Variants in MBD5 observed in about 807,000 individuals in gnomAD.
MBD5 encodes the protein methyl-CpG binding domain protein 5, also known as methyl-CpG-binding domain protein 5.
In MBD5, 13 loss-of-function variants were observed where a neutral mutation model predicts 117.3. The ratio of observed to expected loss-of-function variants is 0.11; its 90% CI spans 0.07 to 0.18. MBD5 has a LOEUF of 0.18. Among genes scored for constraint, MBD5 ranks in the 10% least tolerant of loss-of-function variants. The probability of loss-of-function intolerance (pLI) is 1.00; values close to 1 mark genes in which losing one functional copy is unlikely to be tolerated. For synonymous variants in MBD5, 727 were observed against 766.4 expected, an observed-to-expected ratio of 0.95 and a Z score of 0.85; for missense variants, 1,879 against 2,093.8, an observed-to-expected ratio of 0.90 and a Z score of 2.00.
intron 1 of MBD5, among the ~76,000 whole-genome samples, chr2:148,099,928 A>G (rs1313023213): frequency 6.6e-6 from 1 of 152,204 alleles, no homozygotes; most frequent in African/African-American, 2.4e-5. Context: ...ATCTAGCATT[A>G]TTTGATGCTA....
At position 148,447,167 on chromosome 2, in the gene MBD5, GA is replaced by G. The variant is rs938022464; in HGVS notation, c.-556-11033del. Among the ~76,000 whole-genome samples, 12 of 128,766 alleles carry G rather than the reference GA, an allele frequency of 9.3e-5. No homozygotes were observed. In the East Asian group the frequency reaches 1.5e-3, roughly 17 times the overall value. 84.5% of individuals were successfully genotyped at this position (128,766 alleles called of 152,430 possible). ...AGAAAGAAAGAAGGAAAGAAAGGAA[GA>G]AAGGAAGAAGGAAAGAAAGAAAGAA... On this transcript the variant is annotated intron_variant, in intron 4 of 13. Coordinates refer to ENST00000642680, the MANE Select transcript of MBD5 (RefSeq NM_001378120.1).
chr2:148,478,021 T>C (rs1681027088), intron 8 of MBD5, among the ~76,000 whole-genome samples: 2 of 152,156 alleles, frequency 1.3e-5, no homozygotes, highest in South Asian at 4.1e-4. Context: ...CAAAGACGTG[T>C]ATAACAATAT....
At chr2:148,495,863 G>T (rs755392848) in intron 11 of MBD5, among the ~76,000 whole-genome samples, 10 of 152,172 alleles carry the variant, frequency 6.6e-5, no homozygotes, top group Non-Finnish European at 1.3e-4. Flanking sequence ...TGTCAGTTCA[G>T]CATCACACAC....
rs1682293433 is a variant in MBD5 at position 148,514,181 on chromosome 2, G to T, written c.*1240G>T. 1.3e-5 allele frequency: 2 copies of T among 151,854 alleles called. No individual in the cohort carries two copies. Among genetic ancestry groups the T allele is most frequent in the African/African-American group, 4.8e-5 (2 of 41,336 alleles). 9.4% of individuals were successfully genotyped at this position (151,854 alleles called of 1,614,324 possible). A position where few individuals can be genotyped will look rare whatever the true frequency, so the allele number is the denominator to read the frequency against. On this transcript the variant is annotated 3_prime_UTR_variant, in exon 14 of 14. Transcript: ENST00000642680. Reference sequence around the variant, plus strand: ...AACAGATTCTTATATATATTAATGTGGCAAAAATGTGCAGGTTAAATCTAT... The same window carrying T: ...AACAGATTCTTATATATATTAATGTTGCAAAAATGTGCAGGTTAAATCTAT...
rs575724480 is a variant in MBD5 at position 148,170,876 on chromosome 2, A to G, written c.-924-7824A>G. The stretch of plus-strand genomic sequence containing the variant: ...ACTATGAACAATTCTACACCAACCA[A>G]TTAGATTACCTAGAAGTGGATAAAT... On this transcript the variant is annotated intron_variant, in intron 1 of 13. Transcript: ENST00000642680. 5.9e-5 allele frequency among the ~76,000 whole-genome samples: 9 copies of G among 152,340 alleles called. No individual in the cohort carries two copies. The South Asian group carries it at 1.7e-3, about 28-fold the overall frequency.
chr2:148,158,938 G>A (rs1558952239), intron 1 of MBD5, among the ~76,000 whole-genome samples: 1 of 152,204 alleles, frequency 6.6e-6, no homozygotes. Flanking sequence ...TAGCCAGGAT[G>A]GTCTCGATCT....
intron 4 of MBD5, among the ~76,000 whole-genome samples, chr2:148,360,891 C>G (rs897895831): frequency 1.3e-5 from 2 of 152,052 alleles, no homozygotes; most frequent in African/African-American, 4.8e-5. Context: ...AATCAATGTT[C>G]ATTTTAAAAT....
intron 3 of MBD5, among the ~76,000 whole-genome samples, chr2:148,278,707 A>G (rs1701171320): frequency 1.3e-5 from 2 of 152,150 alleles, no homozygotes; most frequent in Admixed American, 6.5e-5. Context: ...TTATTAGGGG[A>G]ATTGGCTCAC....
At chr2:148,112,515 T>C (rs1472580585) in intron 1 of MBD5, among the ~76,000 whole-genome samples, 1 of 152,154 alleles carries the variant, frequency 6.6e-6, no homozygotes, top group African/African-American at 2.4e-5. Context: ...TTTTAACACT[T>C]TGCAAAGTAA....
intron 2 of MBD5, among the ~76,000 whole-genome samples, chr2:148,212,949 T>C (rs1699462214): frequency 1.3e-5 from 2 of 152,194 alleles, no homozygotes; most frequent in Admixed American, 1.3e-4. Context: ...TGTTCGTTCT[T>C]TTCTGTTCTC....
chr2:148,078,615 A>G (rs781773828), intron 1 of MBD5, among the ~76,000 whole-genome samples: 70 of 152,226 alleles, frequency 4.6e-4, no homozygotes, highest in Non-Finnish European at 1.5e-4. Flanking sequence ...CAAATGTACC[A>G]TTATATAACA....
At chr2:148,433,853 G>A (rs1330534215) in intron 4 of MBD5, among the ~76,000 whole-genome samples, 2 of 151,940 alleles carry the variant, frequency 1.3e-5, no homozygotes, top group Non-Finnish European at 2.9e-5. Context: ...GTCAGGGGAT[G>A]CTGGCTTCAT....
intron 4 of MBD5, among the ~76,000 whole-genome samples, chr2:148,360,107 G>A (rs1703490248): frequency 6.6e-6 from 1 of 151,900 alleles, no homozygotes; most frequent in Non-Finnish European, 1.5e-5. Context: ...ATATTATTAT[G>A]GCTGAAAGAA....
chr2:148,109,251 C>A (rs538571064), intron 1 of MBD5, among the ~76,000 whole-genome samples: 2 of 152,062 alleles, frequency 1.3e-5, no homozygotes, highest in South Asian at 4.2e-4. Flanking sequence ...CACCGCTGTA[C>A]CCTAGCCTGG....
At chr2:148,443,372 A>T (rs1398403932) in intron 4 of MBD5, among the ~76,000 whole-genome samples, 1 of 151,344 alleles carries the variant, frequency 6.6e-6, no homozygotes, top group Non-Finnish European at 1.5e-5. Context: ...CTACCATATG[A>T]TCCAGCAATC....
At chr2:148,231,122 G>A (rs1206910153) in intron 2 of MBD5, among the ~76,000 whole-genome samples, 1 of 152,110 alleles carries the variant, frequency 6.6e-6, no homozygotes, top group Non-Finnish European at 1.5e-5. Context: ...ACTAGGACTT[G>A]CCTTGGAGTT....
intron 3 of MBD5, among the ~76,000 whole-genome samples, chr2:148,340,914 G>T (rs573788667): frequency 7.4e-4 from 112 of 151,606 alleles, no homozygotes; most frequent in African/African-American, 2.6e-3. Context: ...TAAGTGCTTT[G>T]TGAATGTTAA....
At chr2:148,163,523 A>C (rs11893214) in intron 1 of MBD5, among the ~76,000 whole-genome samples, 1,875 of 152,176 alleles carry the variant, frequency 0.012, 44 homozygotes, top group African/African-American at 0.043. Context: ...TCAAGCGACA[A>C]TCCTACCTCA....
At chr2:148,181,668 A>G (rs1294581923) in intron 2 of MBD5, among the ~76,000 whole-genome samples, 1 of 151,720 alleles carries the variant, frequency 6.6e-6, no homozygotes, top group Non-Finnish European at 1.5e-5. Context: ...CATATTCTTT[A>G]TATATTTTTT....
Sources: allele counts gnomAD v4.1 joint callset (sites outside exome capture counted in the v4.1 genomes callset), GRCh38; gene constraint gnomAD v4.1.1; transcripts MANE v1.5; gene names NCBI Gene and HGNC (gene_info 2026-07-23, HGNC 2026-07-21).